The following POM121C variants were observed in gnomAD, a reference collection of about 807,000 sequenced individuals.
POM121C encodes nuclear envelope pore membrane protein POM 121C.
Under a neutral mutation model 66.4 loss-of-function variants are expected in POM121C, and 20 were observed. The ratio of observed to expected loss-of-function variants is 0.30; its 90% CI spans 0.21 to 0.44. POM121C has a LOEUF of 0.44. Ranked by LOEUF, POM121C falls within the 20% of genes least tolerant of loss-of-function variation. POM121C has a pLI of 1.00. For missense variants in POM121C, 580 were observed against 1,225.7 expected, an observed-to-expected ratio of 0.47 and a Z score of 7.87; for synonymous variants, 286 against 528.0, an observed-to-expected ratio of 0.54 and a Z score of 6.28.
chr7:75,427,685 A>G (rs1362104446), intron 7 of POM121C, among the ~76,000 whole-genome samples: 2 of 152,074 alleles, frequency 1.3e-5, no homozygotes, highest in Non-Finnish European at 2.9e-5. Flanking sequence ...CAAAGCCACT[A>G]AACTGTCACC....
Position 75,418,689 on chromosome 7 carries a change from G to T in POM121C, c.*107C>A. 1.3e-5 allele frequency: 18 copies of T among 1,388,506 alleles called. No individual in the cohort carries two copies. The highest frequency in any genetic ancestry group is 1.4e-5 in the Non-Finnish European group (15 of 1,058,904). 86.0% of individuals were successfully genotyped at this position (1,388,506 alleles called of 1,614,324 possible). On this transcript the variant is annotated 3_prime_UTR_variant, in exon 15 of 15. Coordinates refer to ENST00000615331, the MANE Select transcript of POM121C (RefSeq NM_001099415.3). ...CCCTGGCGGCTGAAGCCAGAGATCCGGGGTAGGTTTGCTTTACGCAGCTGG... is the reference window on the plus strand; with the variant it reads ...CCCTGGCGGCTGAAGCCAGAGATCCTGGGTAGGTTTGCTTTACGCAGCTGG...
At chr7:75,472,137 C>T (rs1192969447) in intron 3 of POM121C, among the ~76,000 whole-genome samples, 1 of 151,864 alleles carries the variant, frequency 6.6e-6, no homozygotes, top group Non-Finnish European at 1.5e-5. Flanking sequence ...CCGCCCACCT[C>T]GGCCTCCCAA....
Position 75,485,997 on chromosome 7 carries a change from C to CG in POM121C, c.-592dup. ...AAGGCTGTTCTGCTCCCGAGGGGCC[C>CG]GGGCCGGGCCTACGGGGCAAATCCA... On this transcript the variant is annotated 5_prime_UTR_variant, in exon 1 of 15. Coordinates refer to ENST00000615331, the MANE Select transcript of POM121C (RefSeq NM_001099415.3). 2.1e-6 allele frequency: 1 copy of CG among 486,324 alleles called. No individual in the cohort carries two copies. Among genetic ancestry groups the CG allele is most frequent in the South Asian group, 1.5e-5 (1 of 67,928 alleles). 30.1% of individuals were successfully genotyped at this position (486,324 alleles called of 1,614,324 possible).
At chr7:75,481,267 T>A (rs1792301456) in intron 1 of POM121C, among the ~76,000 whole-genome samples, 1 of 151,222 alleles carries the variant, frequency 6.6e-6, no homozygotes, top group Non-Finnish European at 1.5e-5. Flanking sequence ...ATATTATATG[T>A]ATATATTTGC....
chr7:75,430,992 C>T (rs587669288), intron 7 of POM121C, among the ~76,000 whole-genome samples: 42 of 137,950 alleles, frequency 3.0e-4, no homozygotes, highest in African/African-American at 1.1e-3. Context: ...AGGAGAATGG[C>T]GTGAACCCGG....
intron 1 of POM121C, among the ~76,000 whole-genome samples, chr7:75,478,379 G>A (rs1210672297): frequency 6.6e-6 from 1 of 152,002 alleles, no homozygotes; most frequent in Admixed American, 6.6e-5. Flanking sequence ...CCAGGCCATG[G>A]AGCAGGGAAG....
chr7:75,484,195 C>G, intron 1 of POM121C: 1 of 1,609,428 alleles, frequency 6.2e-7, no homozygotes, highest in Non-Finnish European at 8.5e-7. Context: ...CAGGAAAACT[C>G]ACCTGCAATG....
chr7:75,450,980 A>C (rs1365804640), intron 3 of POM121C, among the ~76,000 whole-genome samples: 1 of 152,126 alleles, frequency 6.6e-6, no homozygotes, highest in Non-Finnish European at 1.5e-5. Flanking sequence ...TAAATCGTGA[A>C]GGACCTCTTC....
intron 3 of POM121C, among the ~76,000 whole-genome samples, chr7:75,453,275 TAAA>T (rs587669014): frequency 6.9e-5 from 8 of 115,120 alleles, no homozygotes; most frequent in Non-Finnish European, 7.2e-5. Context: ...TACAAAAAGT[TAAA>T]AAAAAAAAAA....
intron 3 of POM121C, among the ~76,000 whole-genome samples, chr7:75,450,147 G>A (rs1584685798): frequency 6.6e-6 from 1 of 152,358 alleles, no homozygotes; most frequent in East Asian, 1.9e-4. Flanking sequence ...CTGGCACCTT[G>A]ATCTTTGACT....
intron 1 of POM121C, among the ~76,000 whole-genome samples, chr7:75,484,493 G>A (rs1208011544): frequency 2.0e-5 from 3 of 152,016 alleles, no homozygotes; most frequent in South Asian, 2.1e-4. Context: ...GCAAAACCCC[G>A]TCTCTACTTA....
At chr7:75,477,354 G>A (rs1792130361) in intron 1 of POM121C, among the ~76,000 whole-genome samples, 2 of 152,074 alleles carry the variant, frequency 1.3e-5, no homozygotes, top group Non-Finnish European at 2.9e-5. Context: ...AGGCCGAGGC[G>A]GGCAGATCAC....
At chr7:75,429,529 G>A (rs1230191028) in intron 7 of POM121C, among the ~76,000 whole-genome samples, 3 of 152,212 alleles carry the variant, frequency 2.0e-5, no homozygotes, top group Non-Finnish European at 2.9e-5. Context: ...TACTTGGAAC[G>A]CTGAGGCAGG....
In POM121C at chr7:75,442,660, G is replaced by A. The variant is rs587651606; in HGVS notation, c.-151-1013C>T. 1,998 of 1,457,822 alleles carry A rather than the reference G, an allele frequency of 1.4e-3. 14 individuals are homozygous for A. In the South Asian group the frequency reaches 0.025, roughly 18 times the overall value. 90.3% of individuals were successfully genotyped at this position (1,457,822 alleles called of 1,614,324 possible). ...CGCAGCCCCGGCCCCGGCCGTCCCT[G>A]ACACTCGCTATCGGCCGCCGCCGCT... On this transcript the variant is annotated intron_variant, in intron 3 of 14. Coordinates refer to ENST00000615331, the MANE Select transcript of POM121C (RefSeq NM_001099415.3).
chr7:75,430,906 C>A (rs1470246608), intron 7 of POM121C, among the ~76,000 whole-genome samples: 2 of 151,754 alleles, frequency 1.3e-5, no homozygotes, highest in South Asian at 2.1e-4. Flanking sequence ...GAAACCCTGT[C>A]TTTACTAAAA....
intron 3 of POM121C, among the ~76,000 whole-genome samples, chr7:75,461,980 C>G (rs1221534710): frequency 3.4e-5 from 5 of 148,366 alleles, no homozygotes; most frequent in South Asian, 2.1e-4. Flanking sequence ...CCCATCCCCC[C>G]ACAGAAACAT....
At chr7:75,452,496 T>C (rs1791054208) in intron 3 of POM121C, among the ~76,000 whole-genome samples, 1 of 152,156 alleles carries the variant, frequency 6.6e-6, no homozygotes, top group Non-Finnish European at 1.5e-5. Context: ...TGTTAATCAA[T>C]ATTAGTTAGT....
rs1199004602 is a variant in POM121C, at chr7:75,419,326, G to A, written c.2860C>T (p.Pro954Ser). Residue 954 changes from proline to serine, a missense_variant, in exon 14 of 15, where the codon CCG becomes TCG. By Grantham distance (74) the Pro-to-Ser change is moderately conservative. Transcript: ENST00000615331. ...AGGGTGGCTTGCTGCTTACCGAACG[G>A]TCCAACACCAACAAAGCCTTGGGCG... ...APAQGFVGVG[P>S]FGSAAPSFSI... is the part of the protein sequence containing the mutation. 2 of 1,612,640 alleles carry A rather than the reference G, an allele frequency of 1.2e-6. No homozygotes were observed. The highest frequency in any genetic ancestry group is 3.3e-5 in the Admixed American group (2 of 59,772).
rs146971411 is a variant in POM121C at position 75,431,333 on chromosome 7, G to C, written c.481-4880C>G. ...AAGAATATAAACCGGGCTGGGTGCA[G>C]TGGCTCACGCCTGTAATCCCAGCAC... On this transcript the variant is annotated intron_variant, in intron 7 of 14. Transcript: ENST00000615331. Among the ~76,000 whole-genome samples, 1,423 of 152,230 alleles carry C rather than the reference G, an allele frequency of 9.3e-3. 21 individuals carry two copies. The highest frequency in any genetic ancestry group is 0.014 in the Non-Finnish European group (960 of 68,008).
Sources: allele counts gnomAD v4.1 joint callset (sites outside exome capture counted in the v4.1 genomes callset), GRCh38; gene constraint gnomAD v4.1.1; transcripts MANE v1.5; gene names NCBI Gene and HGNC (gene_info 2026-07-23, HGNC 2026-07-21).